PDE4D: variants seen among roughly 807,000 people sequenced by gnomAD.
PDE4D encodes the protein phosphodiesterase 4D.
A neutral mutation model predicts 87.4 loss-of-function variants in PDE4D; 24 were observed. That is an observed-to-expected ratio of 0.27 (90% CI 0.20 to 0.39). The LOEUF is 0.39. Among genes scored for constraint, PDE4D ranks in the 10% least tolerant of loss-of-function variants. PDE4D has a pLI of 1.00. For synonymous variants in PDE4D, 384 were observed against 383.2 expected, an observed-to-expected ratio of 1.00 and a Z score of -0.02; for missense variants, 714 against 1,041.0, an observed-to-expected ratio of 0.69 and a Z score of 4.32.
rs112200987 is a variant in PDE4D, at chr5:58,975,886, TA to T, written c.1831-48del. On this transcript the variant is annotated intron_variant, in intron 13 of 14. Coordinates refer to ENST00000340635, the MANE Select transcript of PDE4D (RefSeq NM_001104631.2). The surrounding 1 kb of genome is among the most constrained non-coding windows in gnomAD (Gnocchi z 4.2). Reference sequence around the variant, plus strand: ...TCTATTCACTCCTGTTCCTTTTTTTTAAAAAAAAAAACAAAAAAAACTAGAA... The same window carrying T: ...TCTATTCACTCCTGTTCCTTTTTTTTAAAAAAAAAACAAAAAAAACTAGAA... The T allele has an allele frequency of 6.8e-4, 721 of 1,066,042 alleles. 2 individuals are homozygous for T. The highest frequency in any genetic ancestry group is 2.1e-3 in the African/African-American group (127 of 60,706). The allele number at this position is 1,066,042 out of a possible 1,614,324, so 66.0% of individuals were successfully genotyped here. A position where few individuals can be genotyped will look rare whatever the true frequency, so the allele number is the denominator to read the frequency against.
At chr5:59,717,062 T>C (rs1430124952) in intron 1 of PDE4D, among the ~76,000 whole-genome samples, 2 of 152,230 alleles carry the variant, frequency 1.3e-5, no homozygotes, top group Non-Finnish European at 2.9e-5. Context: ...AACCCTTTCA[T>C]CTTGGCTTTC....
chr5:59,564,075 A>C (rs926962766), intron 1 of PDE4D, among the ~76,000 whole-genome samples: 3 of 152,192 alleles, frequency 2.0e-5, no homozygotes, highest in African/African-American at 7.2e-5. Context: ...CAGCTCTGCC[A>C]CTTACAAGTC....
chr5:60,109,154 A>G, intron 2 of PDE4D, among the ~76,000 whole-genome samples: 1 of 151,984 alleles, frequency 6.6e-6, no homozygotes, highest in East Asian at 1.9e-4. Context: ...GAACTCAAAC[A>G]AATTTACAAG....
At chr5:60,047,785 G>T (rs1022673578) in intron 2 of PDE4D, among the ~76,000 whole-genome samples, 1 of 152,018 alleles carries the variant, frequency 6.6e-6, no homozygotes, top group African/African-American at 2.4e-5. Flanking sequence ...TTACTTCCAA[G>T]TATGTGGTCA....
At chr5:59,380,977 T>C (rs1785699571) in intron 1 of PDE4D, among the ~76,000 whole-genome samples, 1 of 152,186 alleles carries the variant, frequency 6.6e-6, no homozygotes, top group South Asian at 2.1e-4. Context: ...AGTTGAGTAG[T>C]TACTACAGAG....
intron 1 of PDE4D, among the ~76,000 whole-genome samples, chr5:59,449,203 T>A (rs886357674): frequency 1.3e-5 from 2 of 152,240 alleles, no homozygotes; most frequent in African/African-American, 4.8e-5. Flanking sequence ...GAGATCATCC[T>A]GCTTTGTACA....
intron 2 of PDE4D, among the ~76,000 whole-genome samples, chr5:60,178,602 C>G (rs1784132150): frequency 6.6e-6 from 1 of 152,034 alleles, no homozygotes; most frequent in Admixed American, 6.6e-5. Context: ...CAAATCAATG[C>G]TATATAATGA....
intron 1 of PDE4D, among the ~76,000 whole-genome samples, chr5:59,488,692 G>A (rs555201000): frequency 4.9e-4 from 72 of 145,844 alleles, no homozygotes; most frequent in African/African-American, 1.6e-3. Flanking sequence ...TTTTTTTTGA[G>A]GGGGGGATCT....
chr5:59,382,777 G>T (rs7703702), intron 1 of PDE4D, among the ~76,000 whole-genome samples: 19,151 of 152,162 alleles, frequency 0.13, 3,645 homozygotes, highest in African/African-American at 0.41. Flanking sequence ...GACCTGGACT[G>T]AAATCCTAGT....
intron 1 of PDE4D, among the ~76,000 whole-genome samples, chr5:59,217,558 A>T (rs1295827446): frequency 6.6e-6 from 1 of 152,166 alleles, no homozygotes; most frequent in African/African-American, 2.4e-5. Flanking sequence ...ATTTTCTTAG[A>T]ATTGTGTCTC....
chr5:60,463,119 T>C (rs893338616), intron 1 of PDE4D, among the ~76,000 whole-genome samples: 3 of 152,066 alleles, frequency 2.0e-5, no homozygotes, highest in Admixed American at 6.6e-5. Flanking sequence ...AGATAAATAG[T>C]ATATGGAATT....
chr5:59,158,303 T>C (rs1345791), intron 5 of PDE4D, among the ~76,000 whole-genome samples: 85,913 of 151,966 alleles, frequency 0.57, 24,548 homozygotes, highest in Non-Finnish European at 0.61. Flanking sequence ...AATACCCACT[T>C]TAGCTAAGTA....
chr5:59,632,941 G>A (rs1308342855), intron 1 of PDE4D, among the ~76,000 whole-genome samples: 1 of 152,132 alleles, frequency 6.6e-6, no homozygotes, highest in Non-Finnish European at 1.5e-5. Flanking sequence ...ACTCCTCCAA[G>A]CTAAAAAAGT....
intron 8 of PDE4D, among the ~76,000 whole-genome samples, chr5:58,991,302 C>T (rs1747865278): frequency 6.6e-6 from 1 of 151,770 alleles, no homozygotes; most frequent in Non-Finnish European, 1.5e-5. Context: ...ACAAACAAAA[C>T]AAAACAAAAC....
intron 1 of PDE4D, among the ~76,000 whole-genome samples, chr5:59,659,712 A>G (rs1561423253): frequency 1.3e-5 from 2 of 152,312 alleles, no homozygotes; most frequent in Admixed American, 6.5e-5. Flanking sequence ...TTGATAACTC[A>G]TCTATCATAA....
chr5:60,438,447 C>T (rs1377064188), intron 1 of PDE4D, among the ~76,000 whole-genome samples: 1 of 151,930 alleles, frequency 6.6e-6, no homozygotes, highest in Non-Finnish European at 1.5e-5. Flanking sequence ...TGTATGCTTC[C>T]CCCTTTAAAA....
At chr5:59,058,585 C>T (rs1487180448) in intron 5 of PDE4D, among the ~76,000 whole-genome samples, 4 of 152,148 alleles carry the variant, frequency 2.6e-5, no homozygotes, top group Non-Finnish European at 4.4e-5. Context: ...ATCATCTAGA[C>T]ACCCTACTTA....
At chr5:59,152,897 C>A (rs1279120262) in intron 5 of PDE4D, among the ~76,000 whole-genome samples, 1 of 151,924 alleles carries the variant, frequency 6.6e-6, no homozygotes, top group Non-Finnish European at 1.5e-5. Context: ...ACAAAATTAG[C>A]CCAAAACATA....
chr5:59,629,887 T>G (rs1831352142), intron 1 of PDE4D, among the ~76,000 whole-genome samples: 1 of 152,136 alleles, frequency 6.6e-6, no homozygotes, highest in Admixed American at 6.5e-5. Context: ...TGAGTTAGCA[T>G]GATCCCTGGG....
Sources: gnomAD v4.1 joint callset for allele counts (sites outside exome capture counted in the v4.1 genomes callset) on GRCh38, gnomAD v4.1.1 for gene constraint, Gnocchi (gnomAD v3.1) non-coding constraint, MANE v1.5 for transcripts, NCBI Gene and HGNC (gene_info 2026-07-23, HGNC 2026-07-21) for gene names.